SHISA6: variants seen among roughly 807,000 people sequenced by gnomAD.
The protein encoded by SHISA6 is protein shisa-6.
In SHISA6, 22 loss-of-function variants were observed where a neutral mutation model predicts 47.9. That is an observed-to-expected ratio of 0.46 (90% confidence interval 0.33 to 0.66). The LOEUF (loss-of-function observed/expected upper bound fraction) is 0.66. SHISA6 is among the 30% of genes least tolerant of loss of function. The pLI, the probability that SHISA6 is intolerant of heterozygous loss-of-function variation, is 0.02. For synonymous variants in SHISA6, 388 were observed against 337.8 expected, an observed-to-expected ratio of 1.15 and a Z score of -1.63; for missense variants, 680 against 764.6, an observed-to-expected ratio of 0.89 and a Z score of 1.30.
chr17:11,339,507 C>G (rs975272521), intron 2 of SHISA6, among the ~76,000 whole-genome samples: 1 of 151,882 alleles, frequency 6.6e-6, no homozygotes, highest in Non-Finnish European at 1.5e-5. Flanking sequence ...AACAAGAAAT[C>G]GTTTTTTGAG....
intron 2 of SHISA6, among the ~76,000 whole-genome samples, chr17:11,358,941 T>G (rs2142227529): frequency 6.6e-6 from 1 of 152,262 alleles, no homozygotes; most frequent in East Asian, 1.9e-4. Flanking sequence ...ATTACAGGGG[T>G]GAGCTACCAC....
chr17:11,486,646 C>G (rs1916355522), intron 3 of SHISA6, among the ~76,000 whole-genome samples: 1 of 152,186 alleles, frequency 6.6e-6, no homozygotes, highest in Admixed American at 6.5e-5. Context: ...GGAGACACCA[C>G]CCAAGGTGAG....
chr17:11,481,897 TA>T (rs1369954451), intron 3 of SHISA6, among the ~76,000 whole-genome samples: 2 of 150,974 alleles, frequency 1.3e-5, no homozygotes, highest in South Asian at 2.1e-4. Context: ...ATTGATGCCA[TA>T]AAAAAATGCC....
chr17:11,434,293 G>A (rs935483044), intron 3 of SHISA6, among the ~76,000 whole-genome samples: 9 of 152,038 alleles, frequency 5.9e-5, no homozygotes, highest in Admixed American at 2.6e-4. Context: ...TTGAACTCCT[G>A]ATGTCATGAT....
intron 3 of SHISA6, among the ~76,000 whole-genome samples, chr17:11,481,185 A>G (rs1916203744): frequency 6.6e-6 from 1 of 152,000 alleles, no homozygotes; most frequent in Non-Finnish European, 1.5e-5. Context: ...AAACTGAGGC[A>G]GGAGACTTAT....
chr17:11,490,707 G>A (rs573344081), intron 3 of SHISA6, among the ~76,000 whole-genome samples: 16 of 152,334 alleles, frequency 1.1e-4, no homozygotes, highest in African/African-American at 3.8e-4. Context: ...TGAGCCAGAG[G>A]CCTTCCTTGG....
At chr17:11,549,402 T>TA in intron 3 of SHISA6, among the ~76,000 whole-genome samples, 1 of 149,834 alleles carries the variant, frequency 6.7e-6, no homozygotes, top group Non-Finnish European at 1.5e-5. Flanking sequence ...AATCAAGACA[T>TA]ATATTGTTTG....
chr17:11,413,899 G>T (rs1178876669), intron 3 of SHISA6, among the ~76,000 whole-genome samples: 1 of 152,162 alleles, frequency 6.6e-6, no homozygotes, highest in Non-Finnish European at 1.5e-5. Context: ...AGTGAAAAGA[G>T]ATGTGCACCC....
chr17:11,530,020 A>C (rs999072232), intron 3 of SHISA6, among the ~76,000 whole-genome samples: 5 of 152,148 alleles, frequency 3.3e-5, no homozygotes, highest in South Asian at 2.1e-4. Flanking sequence ...AACAAACAAA[A>C]AAAAACACCT....
intron 1 of SHISA6, among the ~76,000 whole-genome samples, chr17:11,244,508 T>C (rs969968105): frequency 6.6e-6 from 1 of 152,138 alleles, no homozygotes; most frequent in Non-Finnish European, 1.5e-5. Context: ...CTCAGACTCC[T>C]GGGGGTGAGT....
In SHISA6 at chr17:11,561,169, A is replaced by C. The variant is rs925189376; in HGVS notation, c.*2865A>C. On this transcript the variant is annotated 3_prime_UTR_variant, in exon 6 of 6. Coordinates refer to ENST00000441885, the MANE Select transcript of SHISA6 (RefSeq NM_207386.4). ...CCTAGATGCCATGATTTCTAGCCCA[A>C]CCAGGCTGGTGGCCTCTACCATACA... is the stretch of plus-strand genomic sequence containing the variant. 1 of 152,230 alleles carries C rather than the reference A, an allele frequency of 6.6e-6. No homozygotes were observed. 9.4% of individuals were successfully genotyped at this position (152,230 alleles called of 1,614,324 possible). A position where few individuals can be genotyped will look rare whatever the true frequency, so the allele number is the denominator to read the frequency against.
At chr17:11,324,649 G>A (rs544098845) in intron 2 of SHISA6, among the ~76,000 whole-genome samples, 39 of 152,142 alleles carry the variant, frequency 2.6e-4, no homozygotes, top group Admixed American at 5.9e-4. Flanking sequence ...CCTCCCCTTC[G>A]TTCAACTCCT....
At chr17:11,314,000 A>C (rs918351140) in intron 2 of SHISA6, among the ~76,000 whole-genome samples, 67 of 152,302 alleles carry the variant, frequency 4.4e-4, no homozygotes, top group African/African-American at 1.5e-3. Flanking sequence ...GGTATCTGGG[A>C]GTCAGTGAAA....
At chr17:11,342,894 C>A (rs563636637) in intron 2 of SHISA6, among the ~76,000 whole-genome samples, 1 of 152,136 alleles carries the variant, frequency 6.6e-6, no homozygotes, top group Non-Finnish European at 1.5e-5. Context: ...CACATTTCTC[C>A]AGATACAGAA....
At position 11,500,627 on chromosome 17, in the gene SHISA6, A is replaced by C. The variant is rs116579487; in HGVS notation, c.896-51269A>C. On this transcript the variant is annotated intron_variant, in intron 3 of 5. Coordinates refer to ENST00000441885, the MANE Select transcript of SHISA6 (RefSeq NM_207386.4). ...GCCAAGATACATCCATAGAGAAAGC[A>C]ATCTCCGCTAACAAATACGGTAGCC... 3.8e-3 allele frequency among the ~76,000 whole-genome samples: 582 copies of C among 152,338 alleles called. 2 individuals are homozygous for C. Among genetic ancestry groups the C allele is most frequent in the African/African-American group, 0.013 (559 of 41,574 alleles).
At chr17:11,501,742 C>G (rs1328919659) in intron 3 of SHISA6, among the ~76,000 whole-genome samples, 1 of 151,944 alleles carries the variant, frequency 6.6e-6, no homozygotes, top group East Asian at 1.9e-4. Context: ...ATGAGTGCTG[C>G]CACCCAGAGA....
chr17:11,554,268 C>T (rs1342224603), intron 4 of SHISA6, among the ~76,000 whole-genome samples: 1 of 152,170 alleles, frequency 6.6e-6, no homozygotes, highest in African/African-American at 2.4e-5. Context: ...GAGGCTCTTT[C>T]TGTACAGCAT....
intron 3 of SHISA6, among the ~76,000 whole-genome samples, chr17:11,549,104 A>T (rs2071907891): frequency 6.6e-6 from 1 of 152,328 alleles, no homozygotes; most frequent in African/African-American, 2.4e-5. Context: ...AATTCATTTT[A>T]AAAACTACAG....
intron 2 of SHISA6, among the ~76,000 whole-genome samples, chr17:11,349,256 C>T (rs1307712933): frequency 6.6e-6 from 1 of 152,142 alleles, no homozygotes. Flanking sequence ...AAAAGAGGGC[C>T]TGACCTCATC....
Sources: gnomAD v4.1 joint callset for allele counts (sites outside exome capture counted in the v4.1 genomes callset) on GRCh38, gnomAD v4.1.1 for gene constraint, MANE v1.5 for transcripts, NCBI Gene and HGNC (gene_info 2026-07-23, HGNC 2026-07-21) for gene names.